The following TRAK1 variants were observed in gnomAD, a reference collection of about 807,000 sequenced individuals.
TRAK1 encodes trafficking kinesin-binding protein 1.
In TRAK1, 33 loss-of-function variants were observed where a neutral mutation model predicts 92.1. The ratio of observed to expected loss-of-function variants is 0.36; its 90% CI spans 0.27 to 0.48. TRAK1 has a LOEUF of 0.48. Ranked by LOEUF, TRAK1 falls within the 20% of genes least tolerant of loss-of-function variation. TRAK1 has a pLI of 0.99. For synonymous variants in TRAK1, 521 were observed against 517.3 expected (o/e 1.01, Z -0.10); for missense variants, 1,123 against 1,257.9 (o/e 0.89, Z 1.62).
chr3:42,112,135 CTTTTTTTTTTT>C (rs1223261204), intron 1 of TRAK1, among the ~76,000 whole-genome samples: 2 of 71,044 alleles, frequency 2.8e-5, no homozygotes, highest in Non-Finnish European at 5.0e-5. Flanking sequence ...TCAGCTCTTA[CTTTTTTTTTTT>C]TTTTTTTTTT....
chr3:42,108,182 C>T (rs193256976), intron 1 of TRAK1, among the ~76,000 whole-genome samples: 1 of 152,112 alleles, frequency 6.6e-6, no homozygotes, highest in Non-Finnish European at 1.5e-5. Context: ...ACCATGTCTC[C>T]TTGACTATAA....
intron 1 of TRAK1, among the ~76,000 whole-genome samples, chr3:42,081,769 T>C (rs1704449917): frequency 6.6e-6 from 1 of 152,234 alleles, no homozygotes; most frequent in African/African-American, 2.4e-5. Flanking sequence ...ATGACAGTAA[T>C]TATTTTGAGA....
At chr3:42,046,998 A>G (rs777420478) in intron 1 of TRAK1, among the ~76,000 whole-genome samples, 2 of 152,126 alleles carry the variant, frequency 1.3e-5, no homozygotes, top group Non-Finnish European at 2.9e-5. Flanking sequence ...AATGGAAGAT[A>G]CTCATAGATT....
upstream of TRAK1, among the ~76,000 whole-genome samples, chr3:42,086,762 T>G (rs1377270347): frequency 6.6e-6 from 1 of 152,178 alleles, no homozygotes; most frequent in Non-Finnish European, 1.5e-5. Context: ...CATATACAAA[T>G]AAAAATGTTA....
At chr3:42,065,227 G>C (rs2148930476) in intron 1 of TRAK1, among the ~76,000 whole-genome samples, 1 of 152,162 alleles carries the variant, frequency 6.6e-6, no homozygotes, top group African/African-American at 2.4e-5. Flanking sequence ...ACTCCATCCT[G>C]GGCCACAGAG....
At chr3:42,204,104 T>G (rs1468729249) in intron 13 of TRAK1, 3 of 985,724 alleles carry the variant, frequency 3.0e-6, no homozygotes, top group Admixed American at 6.1e-5. Flanking sequence ...CTTTTTTAAT[T>G]GTTTATTTAG....
intron 1 of TRAK1, among the ~76,000 whole-genome samples, chr3:42,021,534 A>G (rs928835903): frequency 6.6e-6 from 1 of 152,176 alleles, no homozygotes; most frequent in Admixed American, 6.5e-5. Context: ...ACTCCTGTTT[A>G]TGACAGGCAG....
intron 1 of TRAK1, among the ~76,000 whole-genome samples, chr3:42,039,038 C>T (rs141865538): frequency 6.6e-6 from 1 of 151,772 alleles, no homozygotes; most frequent in Non-Finnish European, 1.5e-5. Flanking sequence ...ACATTTTATC[C>T]CACGTAAAAC....
At chr3:42,079,995 T>C (rs1485383738) in intron 1 of TRAK1, among the ~76,000 whole-genome samples, 9 of 152,112 alleles carry the variant, frequency 5.9e-5, no homozygotes, top group Non-Finnish European at 1.5e-5. Context: ...TTGTACTTCC[T>C]GGAGTGGTAT....
At chr3:42,217,645 C>T in intron 14 of TRAK1, 2 of 985,356 alleles carry the variant, frequency 2.0e-6, no homozygotes, top group Non-Finnish European at 2.4e-6. Flanking sequence ...ATCCAGCCTT[C>T]CCTTGTTTGA....
At chr3:42,075,297 C>T (rs1202789273) in intron 1 of TRAK1, among the ~76,000 whole-genome samples, 9 of 138,026 alleles carry the variant, frequency 6.5e-5, no homozygotes, top group Middle Eastern at 4.1e-3. Context: ...GCTGAGATAG[C>T]GCCATTGCAC....
Position 42,224,217 on chromosome 3 carries a change from TC to T in TRAK1, c.*482del. On this transcript the variant is annotated 3_prime_UTR_variant, in exon 16 of 16. Coordinates refer to ENST00000327628, the MANE Select transcript of TRAK1 (RefSeq NM_001042646.3). ...CCACCCTGTAGGAGCGTAAGGAGCC[TC>T]CATCCTCAGCCACGTGCAGCTGACG... is the stretch of plus-strand genomic sequence containing the variant. 1 of 381,760 alleles carries T rather than the reference TC, an allele frequency of 2.6e-6. No homozygotes were observed. Among genetic ancestry groups the T allele is most frequent in the Non-Finnish European group, 5.1e-6 (1 of 197,454 alleles). 23.6% of individuals were successfully genotyped at this position (381,760 alleles called of 1,614,324 possible). A position where few individuals can be genotyped will look rare whatever the true frequency, so the allele number is the denominator to read the frequency against.
chr3:42,114,265 G>A (rs1043799473), intron 1 of TRAK1, among the ~76,000 whole-genome samples: 1 of 152,158 alleles, frequency 6.6e-6, no homozygotes, highest in Non-Finnish European at 1.5e-5. Context: ...GTGCTACTAA[G>A]AACACGGGTG....
chr3:42,096,480 G>A (rs1705933548), intron 1 of TRAK1, among the ~76,000 whole-genome samples: 1 of 152,124 alleles, frequency 6.6e-6, no homozygotes, highest in African/African-American at 2.4e-5. Context: ...TCTCGAACTC[G>A]TGTCCTCAAG....
rs201330733 is a variant in TRAK1 at position 42,109,533 on chromosome 3, A to G, written c.92-15887A>G. Among the ~76,000 whole-genome samples, 28 of 152,362 alleles carry G rather than the reference A, an allele frequency of 1.8e-4. No homozygotes were observed. The East Asian group carries it at 3.7e-3, about 20-fold the overall frequency. ...TGGGAAAGTCCATCCTAAACATGGT[A>G]TAAAGGCTAGAACTATAAGGAAAAT... On this transcript the variant is annotated intron_variant, in intron 1 of 15. Transcript: ENST00000327628.
Position 42,209,912 on chromosome 3 carries a change from A to T in TRAK1, c.1890A>T (p.Glu630Asp). Residue 630 changes from glutamate (E) to aspartate (D), a missense_variant, in exon 14 of 16, where the codon GAA becomes GAT. This residue lies in a region of TRAK1 where 401 missense variants were observed against 438.9 expected (regional missense o/e 0.91). Transcript: ENST00000327628. ...TGTACTGCCTTAACGACTTTGAAGA[A>T]GATGACACAGGTGACCACATTTCTC... ...DEVYCLNDFE[E>D]DDTGDHISLP... 6.2e-7 allele frequency: 1 copy of T among 1,614,240 alleles called. No homozygotes were observed. Among genetic ancestry groups the T allele is most frequent in the Admixed American group, 1.7e-5 (1 of 60,026 alleles).
At chr3:42,030,953 C>T (rs979601945) in intron 1 of TRAK1, among the ~76,000 whole-genome samples, 6 of 151,098 alleles carry the variant, frequency 4.0e-5, no homozygotes, top group Admixed American at 6.6e-5. Context: ...CATGGTGTAA[C>T]GATTGAACAG....
intron 1 of TRAK1, among the ~76,000 whole-genome samples, chr3:42,098,520 C>CTGAA (rs1408278580): frequency 3.3e-5 from 5 of 152,126 alleles, no homozygotes; most frequent in Non-Finnish European, 5.9e-5. Context: ...AGCAGGAAGG[C>CTGAA]TGAAGACCGT....
rs770560909 is a variant in TRAK1 at position 42,191,574 on chromosome 3, C to G, written c.707C>G (p.Thr236Arg). 6.3e-7 allele frequency: 1 copy of G among 1,599,068 alleles called. No individual in the cohort carries two copies. Among genetic ancestry groups the G allele is most frequent in the Non-Finnish European group, 8.5e-7 (1 of 1,172,712 alleles). ...TGTCTACAGGCCAGCCAGCTGAAGACAGAGACCATCACCTATGAGGAGAAG... is the reference window on the plus strand; with the variant it reads ...TGTCTACAGGCCAGCCAGCTGAAGAGAGAGACCATCACCTATGAGGAGAAG... ...VLRSEASQLKTETITYEEKEQ... is the reference protein window; with the variant it reads ...VLRSEASQLKRETITYEEKEQ... Residue 236 changes from threonine (T) to arginine (R), a missense_variant, in exon 7 of 16, where the codon ACA (threonine) becomes AGA (arginine). Around this residue, in one of 3 missense-constraint regions of TRAK1, gnomAD observed 686 missense variants for 747.6 expected, o/e 0.92. Coordinates refer to ENST00000327628, the MANE Select transcript of TRAK1 (RefSeq NM_001042646.3).
Sources: allele counts gnomAD v4.1 joint callset (sites outside exome capture counted in the v4.1 genomes callset), GRCh38; gene constraint gnomAD v4.1.1; regional missense constraint gnomAD v4.1.1; transcripts MANE v1.5; gene names NCBI Gene and HGNC (gene_info 2026-07-23, HGNC 2026-07-21).